CFAP74: variants seen among roughly 807,000 people sequenced by gnomAD.
The protein encoded by CFAP74 is cilia- and flagella-associated protein 74.
A neutral mutation model predicts 188.9 loss-of-function variants in CFAP74; 124 were observed. The ratio of observed to expected loss-of-function variants is 0.66; its 90% CI spans 0.57 to 0.76. The LOEUF (loss-of-function observed/expected upper bound fraction) is 0.76. Among genes scored for constraint, CFAP74 ranks in the 30% least tolerant of loss-of-function variants. The pLI, the probability that CFAP74 is intolerant of heterozygous loss-of-function variation, is 0.00. For missense variants in CFAP74, 2,198 were observed against 2,165.2 expected, an observed-to-expected ratio of 1.02 and a Z score of -0.30; for synonymous variants, 956 against 916.7, an observed-to-expected ratio of 1.04 and a Z score of -0.77.
At position 1,923,396 on chromosome 1, in the gene CFAP74, A is replaced by C. The variant is rs763282069; in HGVS notation, c.4493T>G (p.Ile1498Ser). ...TCTGTGCCTGGGGTCAAATACAGGG[A>C]TCGCTGTCAGAGACTCCACGGGCAC... ...LDVPVESLTA[I>S]PVFDPRHREA... Residue 1498 changes from isoleucine to serine, a missense_variant, in exon 36 of 39, where the codon ATC (isoleucine) becomes AGC (serine). Physicochemically the swap from Ile to Ser is moderately radical, Grantham distance 142. Coordinates refer to ENST00000682832, the MANE Select transcript of CFAP74 (RefSeq NM_001304360.2). The surrounding 1 kb of genome is among the most constrained non-coding windows in gnomAD (Gnocchi z 6.3). The C allele has an allele frequency of 2.5e-6, 4 of 1,589,744 alleles. No individual in the cohort carries two copies. The highest frequency in any genetic ancestry group is 3.4e-6 in the Non-Finnish European group (4 of 1,169,224).
chr1:1,985,876 C>T (rs145312844), intron 5 of CFAP74, among the ~76,000 whole-genome samples: 3 of 152,368 alleles, frequency 2.0e-5, no homozygotes, highest in Non-Finnish European at 4.4e-5. Flanking sequence ...CCCTCCTGGG[C>T]ATCATCCACC....
rs374495805 is a variant in CFAP74 at position 1,956,602 on chromosome 1, G to A, written c.2016+18C>T. The A allele has an allele frequency of 9.3e-5, 150 of 1,613,786 alleles. No individual in the cohort carries two copies. Among genetic ancestry groups the A allele is most frequent in the Middle Eastern group, 4.9e-4 (3 of 6,084 alleles). On this transcript the variant is annotated intron_variant, in intron 17 of 38. Transcript: ENST00000682832. ...GGGCAGGTCCCCACACTCCCCCATG[G>A]CTGAGTGGCACACTCACTAATTTCA...
At chr1:1,967,863 A>G (rs545145630) in intron 11 of CFAP74, among the ~76,000 whole-genome samples, 1 of 152,334 alleles carries the variant, frequency 6.6e-6, no homozygotes, top group South Asian at 2.1e-4. Context: ...AGCAGTGGAC[A>G]CCAAGCAGGC....
chr1:2,001,190 A>T (rs148004884), intron 1 of CFAP74, among the ~76,000 whole-genome samples: 65 of 152,298 alleles, frequency 4.3e-4, no homozygotes, highest in African/African-American at 1.5e-3. Flanking sequence ...GGTCCAGCAG[A>T]GGGTATCAGA....
Position 1,938,985 on chromosome 1 carries a change from C to A in CFAP74, c.2881G>T (p.Val961Leu), listed in dbSNP as rs1036242160. The change falls in exon 25 of 39, where the codon GTG (valine) becomes TTG (leucine). Residue 961 changes from valine (V) to leucine (L), a missense_variant. By Grantham distance (32) the Val-to-Leu change is conservative (BLOSUM62 1). Coordinates refer to ENST00000682832, the MANE Select transcript of CFAP74 (RefSeq NM_001304360.2). Reference protein sequence around the residue: ...EFGFVRLPKFVDVQPNDGFGT... With the variant: ...EFGFVRLPKFLDVQPNDGFGT... ...AACCCATCGTTGGGTTGGACGTCCA[C>A]AAACTGGAAATAGAAGAGTGCTCTG... 5.2e-6 allele frequency: 8 copies of A among 1,535,910 alleles called. No individual in the cohort carries two copies. The African/African-American group carries it at 8.2e-5, about 16-fold the overall frequency.
At chr1:1,981,585 G>T (rs1570970172) in intron 6 of CFAP74, among the ~76,000 whole-genome samples, 1 of 91,576 alleles carries the variant, frequency 1.1e-5, no homozygotes, top group Non-Finnish European at 2.1e-5. Flanking sequence ...GCCGTGGACA[G>T]ACACGGGGAC....
rs578019725 is a variant in CFAP74 at position 1,922,720 on chromosome 1, C to T, written c.4687G>A (p.Val1563Ile). 37 of 1,601,838 alleles carry T rather than the reference C, an allele frequency of 2.3e-5. No homozygotes were observed. The highest frequency in any genetic ancestry group is 4.0e-5 in the African/African-American group (3 of 74,732). ...GCGACGCTGTCTATGCTGAACTCAA[C>T]GGTCTGTGGGGTATGGGGCTCCTGT... The part of the protein sequence containing the change: ...RTTQPSPKKT[V>I]EFSIDSVASL... The change falls in exon 38 of 39, where the codon GTT becomes ATT. Residue 1563 changes from valine (V) to isoleucine (I), a missense_variant. Transcript: ENST00000682832.
At chr1:1,948,141 G>T (rs1653904646) in intron 18 of CFAP74, among the ~76,000 whole-genome samples, 2 of 152,130 alleles carry the variant, frequency 1.3e-5, no homozygotes, top group African/African-American at 4.8e-5. Flanking sequence ...AAAGTGCTGG[G>T]ATTACAGGCG....
rs370699074 is a variant in CFAP74 at position 1,985,455 on chromosome 1, C to T, written c.431G>A (p.Arg144His). ...CTCGTTCTCCAGCTCTGCAAACAGG[C>T]GTCTGGACACGGCCTGGAGGCGGCC... is the stretch of plus-strand genomic sequence containing the variant. The part of the protein sequence containing the change: ...AVGRLQAVSR[R>H]LFAELENERD... Residue 144 changes from arginine (R) to histidine (H), a missense_variant, in exon 6 of 39, where the codon CGC (arginine) becomes CAC (histidine). Physicochemically the swap from Arg to His is conservative, Grantham distance 29. Coordinates refer to ENST00000682832, the MANE Select transcript of CFAP74 (RefSeq NM_001304360.2). 8.7e-6 allele frequency: 14 copies of T among 1,613,996 alleles called. No individual in the cohort carries two copies. In the East Asian group the frequency reaches 1.1e-4, roughly 13 times the overall value.
chr1:1,958,505 C>T lies in CFAP74; in HGVS notation c.1851+615G>A, dbSNP rs549455260. On this transcript the variant is annotated intron_variant, in intron 16 of 38. Coordinates refer to ENST00000682832, the MANE Select transcript of CFAP74 (RefSeq NM_001304360.2). ...GGAGCCGTTTGCTGTGTGGCAGGTG[C>T]GGTGCGAGCTGACCAATTACTCGGC... Among the ~76,000 whole-genome samples the T allele has an allele frequency of 7.9e-5, 12 of 152,302 alleles. No homozygotes were observed. In the South Asian group the frequency reaches 1.2e-3, roughly 16 times the overall value.
Position 1,930,121 on chromosome 1 carries a change from A to G in CFAP74, c.3227T>C (p.Leu1076Pro), listed in dbSNP as rs1482062987. 1.3e-6 allele frequency: 2 copies of G among 1,535,300 alleles called. No homozygotes were observed. The highest frequency in any genetic ancestry group is 1.7e-6 in the Non-Finnish European group (2 of 1,146,398). ...SPMGPTSFEF[L>P]LPPDSPITIS... ...GGTGATAGGCGAGTCTGGGGGCAGC[A>G]GGAACTCGAAAGACGTGGGCCCCAT... Residue 1076 changes from leucine (L) to proline (P), a missense_variant, in exon 26 of 39, where the codon CTG (leucine) becomes CCG (proline). Leu to Pro is a moderately conservative substitution (Grantham distance 98). Coordinates refer to ENST00000682832, the MANE Select transcript of CFAP74 (RefSeq NM_001304360.2).
intron 6 of CFAP74, among the ~76,000 whole-genome samples, chr1:1,976,757 G>GGTCT: frequency 6.6e-6 from 1 of 152,182 alleles, no homozygotes; most frequent in East Asian, 1.9e-4. Context: ...TGGCCGGGCT[G>GGTCT]GTCTCAAACT....
chr1:1,999,992 C>T (rs1269680586), intron 1 of CFAP74, among the ~76,000 whole-genome samples: 1 of 152,006 alleles, frequency 6.6e-6, no homozygotes. Flanking sequence ...GGTGAAACCC[C>T]GTCTCTACTA....
chr1:1,976,867 A>G (rs1461472823), intron 6 of CFAP74, among the ~76,000 whole-genome samples: 1 of 109,102 alleles, frequency 9.2e-6, no homozygotes, highest in Non-Finnish European at 2.1e-5. Flanking sequence ...TTTTTTTTTG[A>G]GACAGTCTCG....
chr1:1,964,862 C>T (rs754615139), intron 13 of CFAP74, 26 bp downstream of exon 13: 23 of 1,612,788 alleles, frequency 1.4e-5, no homozygotes, highest in African/African-American at 1.2e-4. Flanking sequence ...CTGCCCGTCC[C>T]GTTCCTGGCC....
intron 18 of CFAP74, chr1:1,953,203 T>C (rs970738773): frequency 2.6e-5 from 4 of 151,976 alleles, no homozygotes; most frequent in African/African-American, 4.8e-5. Context: ...ACCAAGACAA[T>C]GGCTCTGGCA....
chr1:1,977,189 T>A (rs1025484831), intron 6 of CFAP74, among the ~76,000 whole-genome samples: 1 of 152,110 alleles, frequency 6.6e-6, no homozygotes, highest in Non-Finnish European at 1.5e-5. Flanking sequence ...CATTTCTTTA[T>A]AGTGACACAA....
intron 9 of CFAP74, among the ~76,000 whole-genome samples, chr1:1,971,170 C>A (rs6675187): frequency 0.075 from 10,942 of 146,002 alleles, 1,682 homozygotes; most frequent in African/African-American, 0.28. Context: ...CACACATGCA[C>A]ACCTGCACAC....
intron 16 of CFAP74, 73 bp from the exon 17 acceptor site, chr1:1,956,857 G>A (rs1189285883): frequency 2.1e-5 from 32 of 1,508,622 alleles, no homozygotes; most frequent in East Asian, 1.4e-4. Context: ...AGGCCTGCAC[G>A]TGGCTCCAGG....
Sources: gnomAD v4.1 joint callset for allele counts (sites outside exome capture counted in the v4.1 genomes callset) on GRCh38, gnomAD v4.1.1 for gene constraint, Gnocchi (gnomAD v3.1) non-coding constraint, MANE v1.5 for transcripts, NCBI Gene and HGNC (gene_info 2026-07-23, HGNC 2026-07-21) for gene names.